Variants in KCTD16 observed in about 807,000 individuals in gnomAD.
KCTD16 encodes BTB/POZ domain-containing protein KCTD16.
In KCTD16, 13 loss-of-function variants were observed where a neutral mutation model predicts 33.2. That is an observed-to-expected ratio of 0.39 (90% CI 0.25 to 0.62). KCTD16 has a LOEUF of 0.62. KCTD16 is among the 20% of genes least tolerant of loss of function. KCTD16 has a pLI of 0.50. For missense variants in KCTD16, 441 were observed against 525.1 expected, an observed-to-expected ratio of 0.84 and a Z score of 1.57; for synonymous variants, 197 against 195.3, an observed-to-expected ratio of 1.01 and a Z score of -0.07.
intron 3 of KCTD16, among the ~76,000 whole-genome samples, chr5:144,276,965 A>C (rs892990026): frequency 6.6e-6 from 1 of 152,174 alleles, no homozygotes; most frequent in Non-Finnish European, 1.5e-5. Flanking sequence ...TATTGCAATA[A>C]ATTATAACAT....
At chr5:144,453,299 TCTCATCA>T in intron 3 of KCTD16, among the ~76,000 whole-genome samples, 1 of 152,250 alleles carries the variant, frequency 6.6e-6, no homozygotes, top group Non-Finnish European at 1.5e-5. Flanking sequence ...GCTGTCTTAG[TCTCATCA>T]CTTTTCCCCT....
chr5:144,332,257 T>C (rs1752379824), intron 3 of KCTD16, among the ~76,000 whole-genome samples: 1 of 152,092 alleles, frequency 6.6e-6, no homozygotes, highest in Non-Finnish European at 1.5e-5. Context: ...AAGAGAAAGC[T>C]GAACCTAAAT....
At chr5:144,275,647 T>C (rs1163770946) in intron 3 of KCTD16, among the ~76,000 whole-genome samples, 1 of 152,182 alleles carries the variant, frequency 6.6e-6, no homozygotes, top group African/African-American at 2.4e-5. Flanking sequence ...ACAAAATTAG[T>C]TTTAATTTAC....
intron 3 of KCTD16, among the ~76,000 whole-genome samples, chr5:144,416,392 A>G (rs1753055106): frequency 6.6e-6 from 1 of 152,176 alleles, no homozygotes; most frequent in South Asian, 2.1e-4. Context: ...GACTCTGCCC[A>G]AACTTGGACA....
chr5:144,369,058 T>C (rs1751903316), intron 3 of KCTD16, among the ~76,000 whole-genome samples: 2 of 152,134 alleles, frequency 1.3e-5, no homozygotes, highest in African/African-American at 2.4e-5. Context: ...ATGCCAGGTA[T>C]ATAATTCATC....
At position 144,213,420 on chromosome 5, in the gene KCTD16, T is replaced by C. The variant is rs1015583255; in HGVS notation, c.832+5874T>C. On this transcript the variant is annotated intron_variant, in intron 3 of 3. Transcript: ENST00000512467. ...CTCTCTCTTTCTTTTTTTCTCTCTC[T>C]CTTTCTTTTTCTTTCTCCTCTTTTT... is the stretch of plus-strand genomic sequence containing the variant. 9.9e-5 allele frequency among the ~76,000 whole-genome samples: 15 copies of C among 151,346 alleles called. No individual in the cohort carries two copies. In the South Asian group the frequency reaches 1.0e-3, roughly 10 times the overall value.
intron 3 of KCTD16, among the ~76,000 whole-genome samples, chr5:144,277,903 T>TA (rs1457646007): frequency 6.6e-6 from 1 of 152,180 alleles, no homozygotes. Flanking sequence ...TTTTGAGATT[T>TA]AAAAAAATAT....
At chr5:144,172,928 C>A (rs1485398911) in intron 1 of KCTD16, among the ~76,000 whole-genome samples, 2 of 151,898 alleles carry the variant, frequency 1.3e-5, no homozygotes, top group African/African-American at 4.8e-5. Context: ...AAAGGATATC[C>A]CTTTCAAATT....
At chr5:144,433,018 C>A (rs192659108) in intron 3 of KCTD16, among the ~76,000 whole-genome samples, 1 of 152,026 alleles carries the variant, frequency 6.6e-6, no homozygotes, top group East Asian at 1.9e-4. Context: ...ATGATTTATT[C>A]AAGACCAAAC....
At position 144,206,461 on chromosome 5, in the gene KCTD16, T is replaced by A; in HGVS notation, c.-254T>A. On this transcript the variant is annotated 5_prime_UTR_variant, in exon 3 of 4. It adds an upstream start codon to the 5' untranslated region. Coordinates refer to ENST00000512467, the MANE Select transcript of KCTD16 (RefSeq NM_020768.4). The stretch of plus-strand genomic sequence containing the variant: ...TGATGGAAGATTGGATATAGACGAG[T>A]TGATTATATTTTATGAAGTAGCAGC... The A allele has an allele frequency of 2.4e-6, 1 of 408,410 alleles. No homozygotes were observed. Among genetic ancestry groups the A allele is most frequent in the Non-Finnish European group, 4.3e-6 (1 of 230,380 alleles). 25.3% of individuals were successfully genotyped at this position (408,410 alleles called of 1,614,324 possible).
chr5:144,439,359 G>T, intron 3 of KCTD16: 1 of 515,088 alleles, frequency 1.9e-6, no homozygotes. Flanking sequence ...GTATGAATCT[G>T]AATGGAGGAA....
chr5:144,411,390 C>T (rs113186786), intron 3 of KCTD16, among the ~76,000 whole-genome samples: 1 of 152,072 alleles, frequency 6.6e-6, no homozygotes, highest in Non-Finnish European at 1.5e-5. Flanking sequence ...TGCATTTACA[C>T]CCAACTCCTT....
intron 3 of KCTD16, among the ~76,000 whole-genome samples, chr5:144,398,495 T>A (rs1580931384): frequency 2.0e-5 from 3 of 152,198 alleles, no homozygotes; most frequent in Admixed American, 2.0e-4. Context: ...TAAGAAAAAG[T>A]GAGAATTTTC....
intron 3 of KCTD16, among the ~76,000 whole-genome samples, chr5:144,450,480 A>G (rs986019305): frequency 3.3e-5 from 5 of 152,118 alleles, no homozygotes; most frequent in African/African-American, 4.8e-5. Context: ...CAGGATCTCA[A>G]AGAGATATCT....
intron 3 of KCTD16, among the ~76,000 whole-genome samples, chr5:144,427,571 A>G (rs2126966728): frequency 6.6e-6 from 1 of 152,206 alleles, no homozygotes; most frequent in African/African-American, 2.4e-5. Flanking sequence ...TGAAGAAGAG[A>G]AGATACATCT....
At chr5:144,307,255 A>G (rs906341895) in intron 3 of KCTD16, among the ~76,000 whole-genome samples, 1 of 152,192 alleles carries the variant, frequency 6.6e-6, no homozygotes, top group African/African-American at 2.4e-5. Context: ...AAACTTGCAA[A>G]TTGGAGTAAT....
chr5:144,193,469 C>T (rs529405059), intron 2 of KCTD16, among the ~76,000 whole-genome samples: 1 of 152,232 alleles, frequency 6.6e-6, no homozygotes, highest in South Asian at 2.1e-4. Context: ...GCTGGCTCCC[C>T]TCCCCAGAGT....
At chr5:144,407,370 A>AT (rs534557684) in intron 3 of KCTD16, among the ~76,000 whole-genome samples, 4,633 of 146,102 alleles carry the variant, frequency 0.032, 230 homozygotes, top group African/African-American at 0.1. Context: ...GAGTGACTGT[A>AT]TTTTTTTTTT....
At chr5:144,342,891 G>A (rs557307288) in intron 3 of KCTD16, among the ~76,000 whole-genome samples, 4 of 152,246 alleles carry the variant, frequency 2.6e-5, no homozygotes, top group African/African-American at 9.6e-5. Context: ...TTATTGATTT[G>A]CATATATTGA....
Sources: gnomAD v4.1 joint callset for allele counts (sites outside exome capture counted in the v4.1 genomes callset) on GRCh38, gnomAD v4.1.1 for gene constraint, MANE v1.5 for transcripts, NCBI Gene and HGNC (gene_info 2026-07-23, HGNC 2026-07-21) for gene names.